The following SMAD9 variants were observed in gnomAD, a reference collection of about 807,000 sequenced individuals.
SMAD9 encodes the protein SMAD family member 9.
Under a neutral mutation model 46.1 loss-of-function variants are expected in SMAD9, and 36 were observed. That is an observed-to-expected ratio of 0.78 (90% CI 0.60 to 1.03). The LOEUF (loss-of-function observed/expected upper bound fraction) is 1.03, where lower values mean the gene tolerates loss of function less well. Ranked by LOEUF, SMAD9 falls within the 50% of genes least tolerant of loss-of-function variation. The pLI, the probability that SMAD9 is intolerant of heterozygous loss-of-function variation, is 0.00. For synonymous variants in SMAD9, 245 were observed against 237.1 expected, an observed-to-expected ratio of 1.03 and a Z score of -0.31; for missense variants, 572 against 599.8, an observed-to-expected ratio of 0.95 and a Z score of 0.48.
intron 1 of SMAD9, among the ~76,000 whole-genome samples, chr13:36,888,317 C>T (rs539705282): frequency 1.4e-4 from 21 of 152,242 alleles, no homozygotes; most frequent in African/African-American, 4.3e-4. Flanking sequence ...TCTCGCACTT[C>T]CCCCTTCTCT....
chr13:36,875,476 C>T (rs76227854), intron 2 of SMAD9, among the ~76,000 whole-genome samples: 1 of 152,212 alleles, frequency 6.6e-6, no homozygotes, highest in East Asian at 1.9e-4. Context: ...CCTTATGACA[C>T]CAGAGAACAA....
chr13:36,920,670 C>G (rs1299613387), upstream of SMAD9: 1 of 152,472 alleles, frequency 6.6e-6, no homozygotes, highest in East Asian at 1.9e-4. Context: ...GAGCCCGAAA[C>G]CAGAAGAGTT....
chr13:36,889,072 CCACT>C (rs1433323807), intron 1 of SMAD9, among the ~76,000 whole-genome samples: 1 of 152,128 alleles, frequency 6.6e-6, no homozygotes, highest in Non-Finnish European at 1.5e-5. Context: ...AACAGGTTGC[CCACT>C]GTCTTTCCAA....
chr13:36,846,205 G>C lies in SMAD9; in HGVS notation c.*2471C>G, dbSNP rs372868885. Reference sequence around the variant, plus strand: ...AGGTGTAAGATTACCAGAGGAAGCCGGGCGCAGTGGCTCACGCCTGTAATC... The same window carrying C: ...AGGTGTAAGATTACCAGAGGAAGCCCGGCGCAGTGGCTCACGCCTGTAATC... On this transcript the variant is annotated 3_prime_UTR_variant, in exon 7 of 7. Coordinates refer to ENST00000379826, the MANE Select transcript of SMAD9 (RefSeq NM_001127217.3). 4 of 151,816 alleles carry C rather than the reference G, an allele frequency of 2.6e-5. No homozygotes were observed. The highest frequency in any genetic ancestry group is 2.6e-4 in the Admixed American group (4 of 15,206). The allele number at this position is 151,816 out of a possible 1,614,324, so 9.4% of individuals were successfully genotyped here. A position where few individuals can be genotyped will look rare whatever the true frequency, so the allele number is the denominator to read the frequency against.
At chr13:36,890,628 T>A (rs1018329913) in intron 1 of SMAD9, among the ~76,000 whole-genome samples, 1 of 152,216 alleles carries the variant, frequency 6.6e-6, no homozygotes, top group African/African-American at 2.4e-5. Context: ...TGTTTAAAAC[T>A]GGTTTTGCAG....
In SMAD9 at chr13:36,848,532, A is replaced by T; in HGVS notation, c.*144T>A. 1.2e-6 allele frequency: 1 copy of T among 857,368 alleles called. No individual in the cohort carries two copies. Among genetic ancestry groups the T allele is most frequent in the Non-Finnish European group, 1.9e-6 (1 of 514,962 alleles). The allele number at this position is 857,368 out of a possible 1,614,324, so 53.1% of individuals were successfully genotyped here. On this transcript the variant is annotated 3_prime_UTR_variant, in exon 7 of 7. Transcript: ENST00000379826. The stretch of plus-strand genomic sequence containing the variant: ...CAGGTTAACTAGAAAGCACAAAACA[A>T]ACGGTGATTAAAAAAAATAAGAACA...
chr13:36,905,223 G>A (rs2058609322), intron 1 of SMAD9, among the ~76,000 whole-genome samples: 1 of 152,172 alleles, frequency 6.6e-6, no homozygotes, highest in South Asian at 2.1e-4. Flanking sequence ...CAGAGTGGAG[G>A]TTGAGAAACC....
chr13:36,853,886 C>T (rs1020306622), intron 5 of SMAD9, among the ~76,000 whole-genome samples: 5 of 152,124 alleles, frequency 3.3e-5, no homozygotes, highest in African/African-American at 1.2e-4. Flanking sequence ...CAGCTGGGTG[C>T]GGTGGCTCAC....
Position 36,879,789 on chromosome 13 carries a change from C to T in SMAD9, c.-100G>A. 9.7e-6 allele frequency: 13 copies of T among 1,337,392 alleles called. No homozygotes were observed. Among genetic ancestry groups the T allele is most frequent in the Non-Finnish European group, 1.4e-5 (13 of 947,302 alleles). The allele number at this position is 1,337,392 out of a possible 1,614,324, so 82.8% of individuals were successfully genotyped here. A position where few individuals can be genotyped will look rare whatever the true frequency, so the allele number is the denominator to read the frequency against. On this transcript the variant is annotated 5_prime_UTR_variant, in exon 2 of 7. Transcript: ENST00000379826. ...TCCAGGGGTGGCATAGGGACCAACC[C>T]GCCCGTTCTTCTGGGAGCAGCTGGG...
chr13:36,872,941 T>C (rs1389206731), intron 2 of SMAD9, 26 bp from the exon 3 acceptor site: 1 of 1,613,706 alleles, frequency 6.2e-7, no homozygotes, highest in Middle Eastern at 1.7e-4. Context: ...AACAAGGCAG[T>C]TAGAATTGAA....
intron 1 of SMAD9, among the ~76,000 whole-genome samples, chr13:36,917,243 A>G (rs372378032): frequency 7.8e-4 from 118 of 152,250 alleles, no homozygotes; most frequent in Admixed American, 2.0e-3. Flanking sequence ...GACAAAATTT[A>G]CCGGAATATT....
At chr13:36,898,022 A>AATTTTTTTTGT (rs1315406635) in intron 1 of SMAD9, among the ~76,000 whole-genome samples, 2 of 151,590 alleles carry the variant, frequency 1.3e-5, no homozygotes, top group Non-Finnish European at 2.9e-5. Flanking sequence ...ACACCCAGCT[A>AATTTTTTTTGT]ATTTTTTTTG....
At chr13:36,867,793 A>G (rs2058250343) in intron 3 of SMAD9, among the ~76,000 whole-genome samples, 1 of 152,158 alleles carries the variant, frequency 6.6e-6, no homozygotes, top group South Asian at 2.1e-4. Flanking sequence ...AAATTGTACA[A>G]TGGCCACGGG....
chr13:36,861,411 T>C (rs2058180638), intron 5 of SMAD9, among the ~76,000 whole-genome samples: 1 of 151,698 alleles, frequency 6.6e-6, no homozygotes, highest in African/African-American at 2.4e-5. Context: ...ACCTCCTGGG[T>C]TCAAGTGATT....
intron 1 of SMAD9, among the ~76,000 whole-genome samples, chr13:36,905,497 T>C (rs1259275810): frequency 6.6e-6 from 1 of 151,960 alleles, no homozygotes; most frequent in African/African-American, 2.4e-5. Flanking sequence ...GGCTCACACC[T>C]GTAATCCCAG....
intron 4 of SMAD9, among the ~76,000 whole-genome samples, chr13:36,866,386 G>A (rs970983318): frequency 2.0e-5 from 3 of 151,136 alleles, no homozygotes; most frequent in African/African-American, 4.9e-5. Context: ...TATTTCATCA[G>A]GAAACCCATG....
At chr13:36,898,698 A>G (rs1289582696) in intron 1 of SMAD9, among the ~76,000 whole-genome samples, 1 of 152,234 alleles carries the variant, frequency 6.6e-6, no homozygotes, top group African/African-American at 2.4e-5. Flanking sequence ...AAAACATTTG[A>G]CACTATTCAA....
In SMAD9 at chr13:36,879,619, C is replaced by G; in HGVS notation, c.71G>C (p.Trp24Ser). 1.2e-6 allele frequency: 2 copies of G among 1,614,234 alleles called. No homozygotes were observed. The highest frequency in any genetic ancestry group is 1.7e-6 in the Non-Finnish European group (2 of 1,180,040). Residue 24 changes from tryptophan to serine, a missense_variant, in exon 2 of 7, where the codon TGG becomes TCG. Physicochemically the swap from Trp to Ser is radical, Grantham distance 177 (BLOSUM62 -3). Coordinates refer to ENST00000379826, the MANE Select transcript of SMAD9 (RefSeq NM_001127217.3). The stretch of plus-strand genomic sequence containing the variant: ...CTTTTCCTCTTCATCTCCTTGCTTC[C>G]AGCCTAGCAGTCTCTTCACTGCGGG... ...TSPAVKRLLG[W>S]KQGDEEEKWA...
rs1190745827 is a variant in SMAD9, at chr13:36,846,510, T to C, written c.*2166A>G. 6.9e-6 allele frequency: 1 copy of C among 144,436 alleles called. No individual in the cohort carries two copies. Among genetic ancestry groups the C allele is most frequent in the Non-Finnish European group, 1.5e-5 (1 of 66,704 alleles). 8.9% of individuals were successfully genotyped at this position (144,436 alleles called of 1,614,324 possible). On this transcript the variant is annotated 3_prime_UTR_variant, in exon 7 of 7. Coordinates refer to ENST00000379826, the MANE Select transcript of SMAD9 (RefSeq NM_001127217.3). ...AAAAAAAAAAAAGATTACCAGAGGA[T>C]AAGTTAGATAGCTGGTAGAGAGATC...
Sources: allele counts gnomAD v4.1 joint callset (sites outside exome capture counted in the v4.1 genomes callset), GRCh38; gene constraint gnomAD v4.1.1; transcripts MANE v1.5; gene names NCBI Gene and HGNC (gene_info 2026-07-23, HGNC 2026-07-21).